HEMK2: variants seen among roughly 807,000 people sequenced by gnomAD.
HEMK2 encodes the protein methyltransferase HEMK2.
chr21:28,665,108 T>C, the HEMK2 span, among the ~76,000 whole-genome samples: 1 of 148,204 alleles, frequency 6.7e-6, no homozygotes, highest in East Asian at 2.1e-4. Context: ...TAAGTCCTCA[T>C]TTCTACTAAA....
At chr21:28,740,914 G>T in the HEMK2 span, among the ~76,000 whole-genome samples, 1 of 144,796 alleles carries the variant, frequency 6.9e-6, no homozygotes, top group Non-Finnish European at 1.5e-5. Flanking sequence ...TTACATTTTT[G>T]AAAATTATGT....
the HEMK2 span, among the ~76,000 whole-genome samples, chr21:28,705,007 C>T: frequency 6.6e-6 from 1 of 152,154 alleles, no homozygotes; most frequent in African/African-American, 2.4e-5. Context: ...CTGCTGCTAT[C>T]GTTCGTACTT....
At chr21:28,818,939 G>C in the HEMK2 span, among the ~76,000 whole-genome samples, 1 of 152,208 alleles carries the variant, frequency 6.6e-6, no homozygotes, top group African/African-American at 2.4e-5. Context: ...TAATGTAAAA[G>C]TTGCTCTTTG....
chr21:28,758,445 G>T, the HEMK2 span, among the ~76,000 whole-genome samples: 1 of 152,162 alleles, frequency 6.6e-6, no homozygotes, highest in Non-Finnish European at 1.5e-5. Context: ...AAGGAAGTTG[G>T]TCACAACACT....
the HEMK2 span, among the ~76,000 whole-genome samples, chr21:28,704,768 A>T: frequency 6.6e-6 from 1 of 152,168 alleles, no homozygotes; most frequent in African/African-American, 2.4e-5. Flanking sequence ...TTTAAAGCCA[A>T]TTTAAAGCCA....
chr21:28,622,318 C>T, the HEMK2 span, among the ~76,000 whole-genome samples: 11 of 152,102 alleles, frequency 7.2e-5, no homozygotes, highest in South Asian at 2.1e-4. Context: ...CACTGCTCAA[C>T]GAAATAAGAG....
chr21:28,679,279 G>A, the HEMK2 span, among the ~76,000 whole-genome samples: 1 of 152,084 alleles, frequency 6.6e-6, no homozygotes, highest in Admixed American at 6.5e-5. Flanking sequence ...AAACCACAAA[G>A]ATCAAAAGAG....
the HEMK2 span, among the ~76,000 whole-genome samples, chr21:28,764,865 G>A: frequency 1.3e-5 from 2 of 149,382 alleles, no homozygotes; most frequent in African/African-American, 5.0e-5. Context: ...CTGGACATGA[G>A]TATTACTAGT....
chr21:28,660,523 A>T, the HEMK2 span, among the ~76,000 whole-genome samples: 2 of 151,322 alleles, frequency 1.3e-5, no homozygotes, highest in Admixed American at 1.3e-4. Flanking sequence ...TATATTTATA[A>T]TATTTTTATC....
the HEMK2 span, among the ~76,000 whole-genome samples, chr21:28,632,073 T>C: frequency 6.6e-6 from 1 of 152,216 alleles, no homozygotes; most frequent in South Asian, 2.1e-4. Flanking sequence ...TGGTAACTAG[T>C]CAATATCTTA....
the HEMK2 span, among the ~76,000 whole-genome samples, chr21:28,702,263 G>A: frequency 6.6e-6 from 1 of 151,806 alleles, no homozygotes; most frequent in African/African-American, 2.4e-5. Context: ...TCTGGAAATA[G>A]GACCTGGCAA....
chr21:28,656,229 A>G, the HEMK2 span, among the ~76,000 whole-genome samples: 1 of 152,066 alleles, frequency 6.6e-6, no homozygotes, highest in Non-Finnish European at 1.5e-5. Flanking sequence ...CAACCCAAGA[A>G]GTGGACCTTG....
At chr21:28,628,514 C>T in the HEMK2 span, among the ~76,000 whole-genome samples, 11 of 152,148 alleles carry the variant, frequency 7.2e-5, no homozygotes, top group Non-Finnish European at 1.2e-4. Context: ...TGCAATGGCA[C>T]GATCTCGGCT....
the HEMK2 span, among the ~76,000 whole-genome samples, chr21:28,600,243 C>A: frequency 2.0e-5 from 3 of 152,276 alleles, no homozygotes; most frequent in African/African-American, 7.2e-5. Context: ...CAGCAAACTT[C>A]TGCATGGACA....
At chr21:28,810,020 C>G in the HEMK2 span, among the ~76,000 whole-genome samples, 196 of 152,252 alleles carry the variant, frequency 1.3e-3, no homozygotes, top group African/African-American at 4.5e-3. Context: ...AAAACAAAAC[C>G]ATACTAGTCT....
the HEMK2 span, among the ~76,000 whole-genome samples, chr21:28,631,641 T>C: frequency 5.3e-5 from 8 of 152,196 alleles, no homozygotes; most frequent in Non-Finnish European, 8.8e-5. Flanking sequence ...CATAAACATA[T>C]GCATTTGACA....
chr21:28,736,192 A>C, the HEMK2 span, among the ~76,000 whole-genome samples: 1 of 152,242 alleles, frequency 6.6e-6, no homozygotes, highest in Non-Finnish European at 1.5e-5. Flanking sequence ...TCTTGCTGCA[A>C]CAAGGTGGCC....
At chr21:28,622,613 T>C in the HEMK2 span, among the ~76,000 whole-genome samples, 1 of 152,140 alleles carries the variant, frequency 6.6e-6, no homozygotes, top group East Asian at 1.9e-4. Flanking sequence ...AACAGCATGG[T>C]ACTAGTACCA....
the HEMK2 span, among the ~76,000 whole-genome samples, chr21:28,731,300 T>C: frequency 6.6e-6 from 1 of 152,194 alleles, no homozygotes; most frequent in African/African-American, 2.4e-5. Flanking sequence ...GTCACATAGA[T>C]ACTATGTAAT....
Sources: gnomAD v4.1 joint callset for allele counts (sites outside exome capture counted in the v4.1 genomes callset) on GRCh38, gnomAD v4.1.1 for gene constraint, MANE v1.5 for transcripts, NCBI Gene and HGNC (gene_info 2026-07-23, HGNC 2026-07-21) for gene names.